PLXNA4: variants seen among roughly 807,000 people sequenced by gnomAD.
PLXNA4 encodes plexin-A4.
In PLXNA4, 44 loss-of-function variants were observed where a neutral mutation model predicts 191.8. That is an observed-to-expected ratio of 0.23 (90% CI 0.18 to 0.29). The LOEUF (loss-of-function observed/expected upper bound fraction) is 0.29. Ranked by LOEUF, PLXNA4 falls within the 10% of genes least tolerant of loss-of-function variation. The pLI is 1.00. For synonymous variants in PLXNA4, 1,082 were observed against 1,009.5 expected (o/e 1.07, Z -1.36); for missense variants, 1,800 against 2,488.8 (o/e 0.72, Z 5.89).
At chr7:132,412,387 C>T (rs917049745) in intron 3 of PLXNA4, among the ~76,000 whole-genome samples, 1 of 152,148 alleles carries the variant, frequency 6.6e-6, no homozygotes, top group African/African-American at 2.4e-5. Context: ...AGGTGCATTG[C>T]CCTCATGGAG....
At chr7:132,136,392 G>A (rs968848013) in intron 30 of PLXNA4, among the ~76,000 whole-genome samples, 8 of 152,238 alleles carry the variant, frequency 5.3e-5, no homozygotes, top group African/African-American at 1.9e-4. Context: ...CTTCAGGTGA[G>A]CCCATCTCCA....
intron 3 of PLXNA4, among the ~76,000 whole-genome samples, chr7:132,467,032 G>C (rs1563115737): frequency 6.6e-6 from 1 of 152,154 alleles, no homozygotes. Flanking sequence ...AAGCAGCCCG[G>C]TCAGGTAAAC....
At chr7:132,451,415 T>A (rs1249416437) in intron 3 of PLXNA4, among the ~76,000 whole-genome samples, 2 of 151,924 alleles carry the variant, frequency 1.3e-5, no homozygotes, top group Non-Finnish European at 2.9e-5. Context: ...CAAGAGCCAA[T>A]GTGCTGAGCA....
At chr7:132,223,147 G>A (rs1053223174) in intron 9 of PLXNA4, among the ~76,000 whole-genome samples, 1 of 152,146 alleles carries the variant, frequency 6.6e-6, no homozygotes, top group East Asian at 1.9e-4. Flanking sequence ...TCTCCTCTGT[G>A]AACAGTGCCC....
rs1799387850 is a variant in PLXNA4, at chr7:132,255,050, C to T, written c.1504-13884G>A. ...GCCACCCTATTTCTGTCCATTCAGG[C>T]CTCTGCTACAGCAACAGACAACCCC... On this transcript the variant is annotated intron_variant, in intron 4 of 31. Coordinates refer to ENST00000321063, the MANE Select transcript of PLXNA4 (RefSeq NM_020911.2). Among the ~76,000 whole-genome samples the T allele has an allele frequency of 2.6e-5, 4 of 152,136 alleles. 1 individual carries two copies. Among genetic ancestry groups the T allele is most frequent in the Admixed American group, 2.6e-4 (4 of 15,278 alleles).
intron 3 of PLXNA4, among the ~76,000 whole-genome samples, chr7:132,329,917 T>C (rs886493714): frequency 6.6e-6 from 1 of 152,182 alleles, no homozygotes; most frequent in African/African-American, 2.4e-5. Context: ...GCAACAGGTA[T>C]TTTTTGAGCT....
chr7:132,304,435 AT>A (rs1801430980), intron 3 of PLXNA4, among the ~76,000 whole-genome samples: 1 of 152,236 alleles, frequency 6.6e-6, no homozygotes, highest in Non-Finnish European at 1.5e-5. Flanking sequence ...AGTAAAATTA[AT>A]TTTCATAATA....
intron 3 of PLXNA4, among the ~76,000 whole-genome samples, chr7:132,434,430 T>C (rs1231159642): frequency 1.3e-5 from 2 of 152,234 alleles, no homozygotes; most frequent in African/African-American, 4.8e-5. Context: ...CTGTGCATGC[T>C]ATCCTGTCTC....
chr7:132,236,122 C>G (rs1798691875), intron 5 of PLXNA4, among the ~76,000 whole-genome samples: 1 of 152,170 alleles, frequency 6.6e-6, no homozygotes, highest in Non-Finnish European at 1.5e-5. Flanking sequence ...ATTTAAATTA[C>G]ACGAGCCTTT....
chr7:132,301,444 G>C (rs150494869), intron 3 of PLXNA4, among the ~76,000 whole-genome samples: 290 of 151,932 alleles, frequency 1.9e-3, no homozygotes, highest in African/African-American at 6.8e-3. Context: ...TCAGAACTCA[G>C]TAAAGTAAGC....
At chr7:132,358,294 T>G (rs1426823926) in intron 3 of PLXNA4, among the ~76,000 whole-genome samples, 14 of 152,214 alleles carry the variant, frequency 9.2e-5, no homozygotes. Flanking sequence ...GAAACCGGGG[T>G]TGGGTGGAGG....
At chr7:132,525,552 A>T (rs536701243) in intron 1 of PLXNA4, among the ~76,000 whole-genome samples, 1 of 152,288 alleles carries the variant, frequency 6.6e-6, no homozygotes, top group African/African-American at 2.4e-5. Flanking sequence ...TTTAATAAAG[A>T]TCCATTTTGT....
chr7:132,569,252 G>A (rs766009395), intron 1 of PLXNA4, among the ~76,000 whole-genome samples: 6 of 152,254 alleles, frequency 3.9e-5, no homozygotes, highest in Non-Finnish European at 8.8e-5. Flanking sequence ...TGGGAAGGCA[G>A]GGCCAGCTTG....
At chr7:132,588,799 A>G (rs1351838710) in intron 2 of PLXNA4, among the ~76,000 whole-genome samples, 2 of 150,178 alleles carry the variant, frequency 1.3e-5, no homozygotes, top group African/African-American at 4.9e-5. Context: ...AGAAAGAAGA[A>G]AGAAAGAAAG....
intron 20 of PLXNA4, among the ~76,000 whole-genome samples, chr7:132,176,856 CTG>C (rs761713871): frequency 1.6e-4 from 24 of 150,494 alleles, no homozygotes; most frequent in East Asian, 3.9e-4. Context: ...ATGTGTATGT[CTG>C]TGTGTATGCA....
intron 4 of PLXNA4, among the ~76,000 whole-genome samples, chr7:132,290,829 A>C (rs1021580530): frequency 6.6e-6 from 1 of 152,188 alleles, no homozygotes; most frequent in Non-Finnish European, 1.5e-5. Context: ...TGTACCCGGA[A>C]CATGGCATTT....
intron 3 of PLXNA4, among the ~76,000 whole-genome samples, chr7:132,443,026 C>G (rs908447721): frequency 1.3e-5 from 2 of 152,186 alleles, no homozygotes; most frequent in African/African-American, 4.8e-5. Context: ...ACCCCTCCTG[C>G]TGGTTTTATC....
intron 3 of PLXNA4, among the ~76,000 whole-genome samples, chr7:132,482,634 T>C (rs936880915): frequency 6.6e-6 from 1 of 151,872 alleles, no homozygotes; most frequent in Non-Finnish European, 1.5e-5. Context: ...CGATAACTAA[T>C]ACACCTGTGT....
intron 2 of PLXNA4, among the ~76,000 whole-genome samples, chr7:132,638,605 T>C (rs1023433725): frequency 1.3e-5 from 2 of 152,016 alleles, no homozygotes; most frequent in Non-Finnish European, 2.9e-5. Flanking sequence ...TGAGCTGAGA[T>C]TGCACCACTG....
Sources: gnomAD v4.1 joint callset for allele counts (sites outside exome capture counted in the v4.1 genomes callset) on GRCh38, gnomAD v4.1.1 for gene constraint, MANE v1.5 for transcripts, NCBI Gene and HGNC (gene_info 2026-07-23, HGNC 2026-07-21) for gene names.